Variants in SGCD observed in about 807,000 individuals in gnomAD.
SGCD encodes the protein sarcoglycan delta, also known as delta-sarcoglycan.
SGCD carries 18 observed loss-of-function variants against 36.6 expected under a neutral mutation model. The observed-to-expected ratio is 0.49, with a 90% CI of 0.34 to 0.73. The LOEUF is 0.73. Ranked by LOEUF, SGCD falls within the 30% of genes least tolerant of loss-of-function variation. The pLI is 0.01. For synonymous variants in SGCD, 133 were observed against 130.6 expected (o/e 1.02, Z -0.12); for missense variants, 387 against 346.7 (o/e 1.12, Z -0.92).
Position 156,384,675 on chromosome 5 carries a change from T to C in SGCD, c.192+39998T>C, listed in dbSNP as rs550807026. The stretch of plus-strand genomic sequence containing the variant: ...CATCTCAAAAAGATGTGCATTTTTT[T>C]CCCCCATCCACTATTATTGTCAATG... On this transcript the variant is annotated intron_variant, in intron 3 of 8. Transcript: ENST00000337851. Among the ~76,000 whole-genome samples the C allele has an allele frequency of 3.2e-3, 489 of 151,858 alleles. 2 individuals are homozygous for C. Among genetic ancestry groups the C allele is most frequent in the Non-Finnish European group, 4.6e-3 (313 of 68,018 alleles).
chr5:156,109,688 A>G (rs1761737943), intron 1 of SGCD, among the ~76,000 whole-genome samples: 1 of 152,028 alleles, frequency 6.6e-6, no homozygotes, highest in African/African-American at 2.4e-5. Context: ...TTATGCTTTC[A>G]TCTAACCAAA....
chr5:156,702,801 T>G (rs1353738365), intron 7 of SGCD, among the ~76,000 whole-genome samples: 1 of 151,928 alleles, frequency 6.6e-6, no homozygotes, highest in Non-Finnish European at 1.5e-5. Flanking sequence ...TTAGCTGTCC[T>G]TTGTTTTAAA....
chr5:156,613,866 G>A (rs1388425780), intron 6 of SGCD, among the ~76,000 whole-genome samples: 13 of 152,216 alleles, frequency 8.5e-5, no homozygotes, highest in Admixed American at 8.5e-4. Context: ...CTTACTCTCT[G>A]TAAGGGGCTG....
At chr5:156,427,387 T>G (rs529581276) in intron 3 of SGCD, among the ~76,000 whole-genome samples, 2 of 152,266 alleles carry the variant, frequency 1.3e-5, no homozygotes, top group East Asian at 3.9e-4. Context: ...ATATGTTGAT[T>G]TAGTATGCTG....
chr5:156,099,409 C>CT (rs200744294), intron 1 of SGCD, among the ~76,000 whole-genome samples: 1,895 of 152,070 alleles, frequency 0.012, 46 homozygotes, highest in African/African-American at 0.043. Flanking sequence ...CATTTAATTC[C>CT]TTTTTTTGTT....
chr5:156,370,050 G>A (rs535370240), intron 3 of SGCD, among the ~76,000 whole-genome samples: 26 of 151,356 alleles, frequency 1.7e-4, no homozygotes, highest in African/African-American at 6.4e-4. Context: ...AGCATTTCAT[G>A]GCTTGAGTCA....
the SGCD span, among the ~76,000 whole-genome samples, chr5:155,748,484 T>A: frequency 5.9e-5 from 9 of 152,118 alleles, no homozygotes; most frequent in African/African-American, 2.2e-4. Context: ...CACATCAGAA[T>A]CACCTAGAAA....
intron 1 of SGCD, among the ~76,000 whole-genome samples, chr5:155,967,417 A>G (rs575316335): frequency 6.6e-6 from 1 of 152,096 alleles, no homozygotes; most frequent in Admixed American, 6.6e-5. Context: ...TTGCTCCATT[A>G]TTGCATGGGC....
intron 3 of SGCD, among the ~76,000 whole-genome samples, chr5:156,127,868 A>C (rs1040443708): frequency 1.3e-5 from 2 of 149,068 alleles, no homozygotes; most frequent in South Asian, 2.1e-4. Flanking sequence ...AAAAAAAAAA[A>C]AAAAAAAAAA....
At chr5:156,564,390 C>A (rs915361822) in intron 4 of SGCD, among the ~76,000 whole-genome samples, 1 of 152,140 alleles carries the variant, frequency 6.6e-6, no homozygotes, top group Admixed American at 6.5e-5. Flanking sequence ...GCGGAGCTTG[C>A]AGTGAGCTGA....
At chr5:156,512,476 G>A (rs1561746449) in intron 4 of SGCD, among the ~76,000 whole-genome samples, 1 of 152,174 alleles carries the variant, frequency 6.6e-6, no homozygotes, top group East Asian at 1.9e-4. Flanking sequence ...GTGTAGTAGA[G>A]TACACCATCT....
At chr5:156,374,662 CTTTT>C (rs34441102) in intron 3 of SGCD, among the ~76,000 whole-genome samples, 2 of 134,516 alleles carry the variant, frequency 1.5e-5, no homozygotes, top group Non-Finnish European at 1.6e-5. Flanking sequence ...GCAACCCTGT[CTTTT>C]TTTTTTTTTT....
intron 4 of SGCD, among the ~76,000 whole-genome samples, chr5:156,560,130 C>A (rs1224268647): frequency 6.6e-6 from 1 of 152,144 alleles, no homozygotes; most frequent in African/African-American, 2.4e-5. Flanking sequence ...AGTTTTGTTT[C>A]ATCACCTTTG....
intron 7 of SGCD, among the ~76,000 whole-genome samples, chr5:156,718,084 C>A (rs907834277): frequency 6.6e-6 from 1 of 152,110 alleles, no homozygotes; most frequent in African/African-American, 2.4e-5. Flanking sequence ...CTGTGTTGGC[C>A]TCTCCATTTC....
chr5:156,468,444 G>A (rs1409719976), intron 3 of SGCD, among the ~76,000 whole-genome samples: 1 of 151,570 alleles, frequency 6.6e-6, no homozygotes, highest in East Asian at 1.9e-4. Context: ...TGACATAAAA[G>A]AGGTACTCAG....
chr5:156,091,409 G>A (rs752072937), intron 1 of SGCD, among the ~76,000 whole-genome samples: 2 of 152,132 alleles, frequency 1.3e-5, no homozygotes, highest in African/African-American at 2.4e-5. Context: ...ACAGCTCTAG[G>A]GCCCTGGTTA....
Position 155,930,593 on chromosome 5 carries a change from A to G in SGCD, c.-282+60169A>G, listed in dbSNP as rs1757080706. 2.6e-5 allele frequency among the ~76,000 whole-genome samples: 4 copies of G among 152,298 alleles called. No individual in the cohort carries two copies. In the South Asian group the frequency reaches 8.3e-4, roughly 32 times the overall value. ...AAGAATGGAGTAGACCCAGGGGTTC[A>G]GGGACTTGTGCAGGTCTGGGAGTAG... is the stretch of plus-strand genomic sequence containing the variant. On this transcript the variant is annotated intron_variant, in intron 1 of 9. Coordinates refer to the SGCD transcript ENST00000517913.
intron 1 of SGCD, among the ~76,000 whole-genome samples, chr5:155,964,349 CT>C (rs887666562): frequency 1.3e-5 from 2 of 151,726 alleles, no homozygotes; most frequent in African/African-American, 4.8e-5. Context: ...AGCCTACTAA[CT>C]TTTTTTTGAG....
At chr5:156,030,745 G>C (rs1270832602) in intron 1 of SGCD, among the ~76,000 whole-genome samples, 1 of 152,074 alleles carries the variant, frequency 6.6e-6, no homozygotes, top group Non-Finnish European at 1.5e-5. Context: ...TCATGGGGGG[G>C]CCCTGGGTCT....
Sources: allele counts gnomAD v4.1 joint callset (sites outside exome capture counted in the v4.1 genomes callset), GRCh38; gene constraint gnomAD v4.1.1; transcripts MANE v1.5; gene names NCBI Gene and HGNC (gene_info 2026-07-23, HGNC 2026-07-21).